Variants in TASP1 observed in about 807,000 individuals in gnomAD.
TASP1 encodes taspase 1, also known as threonine aspartase 1.
TASP1 carries 16 observed loss-of-function variants against 56.6 expected under a neutral mutation model. The ratio of observed to expected loss-of-function variants is 0.28; its 90% CI spans 0.19 to 0.43. TASP1 has a LOEUF of 0.43. Ranked by LOEUF, TASP1 falls within the 20% of genes least tolerant of loss-of-function variation. TASP1 has a pLI of 1.00. For missense variants in TASP1, 393 were observed against 511.6 expected (o/e 0.77, Z 2.24); for synonymous variants, 179 against 184.2 (o/e 0.97, Z 0.23).
chr20:13,228,129 T>C, the TASP1 span, among the ~76,000 whole-genome samples: 27 of 151,912 alleles, frequency 1.8e-4, no homozygotes, highest in East Asian at 5.1e-3. Flanking sequence ...CCCACCACCA[T>C]GCCCGGCTAA....
chr20:13,565,055 G>A (rs2046476977), intron 7 of TASP1, among the ~76,000 whole-genome samples: 1 of 147,544 alleles, frequency 6.8e-6, no homozygotes, highest in South Asian at 2.2e-4. Context: ...CCATTACACA[G>A]AAAAATGCAA....
At chr20:13,289,961 C>T in the TASP1 span, among the ~76,000 whole-genome samples, 1 of 152,158 alleles carries the variant, frequency 6.6e-6, no homozygotes, top group East Asian at 1.9e-4. Context: ...CTCAGTTCTC[C>T]AACCAGAGAC....
At chr20:13,245,543 T>C in the TASP1 span, among the ~76,000 whole-genome samples, 1 of 152,152 alleles carries the variant, frequency 6.6e-6, no homozygotes, top group Non-Finnish European at 1.5e-5. Flanking sequence ...ATGGGGTCAT[T>C]GAGGGCCATT....
chr20:13,354,805 A>AG, the TASP1 span, among the ~76,000 whole-genome samples: 1 of 152,078 alleles, frequency 6.6e-6, no homozygotes, highest in Non-Finnish European at 1.5e-5. Context: ...AGGTCTTTAG[A>AG]GAAAAAAAAA....
the TASP1 span, among the ~76,000 whole-genome samples, chr20:13,360,643 A>C: frequency 1.8e-4 from 27 of 152,266 alleles, no homozygotes; most frequent in Admixed American, 1.4e-3. Flanking sequence ...TCAAAATCAC[A>C]AACTGTGCTC....
In TASP1 at chr20:13,581,102, A is replaced by G. The variant is rs145185757; in HGVS notation, c.404-121T>C. ...TATATCTTGGAAATTCTTTTTCGAT[A>G]TATCAAATAATACTAATGAAAACCC... On this transcript the variant is annotated intron_variant, in intron 5 of 13. Coordinates refer to ENST00000337743, the MANE Select transcript of TASP1 (RefSeq NM_017714.3). 28 of 783,628 alleles carry G rather than the reference A, an allele frequency of 3.6e-5. No homozygotes were observed. The East Asian group carries it at 7.3e-4, about 20-fold the overall frequency. The allele number at this position is 783,628 out of a possible 1,614,324, so 48.5% of individuals were successfully genotyped here. A position where few individuals can be genotyped will look rare whatever the true frequency, so the allele number is the denominator to read the frequency against.
At chr20:13,372,229 G>C in the TASP1 span, among the ~76,000 whole-genome samples, 1 of 152,138 alleles carries the variant, frequency 6.6e-6, no homozygotes, top group Non-Finnish European at 1.5e-5. Context: ...AAAGCAGATT[G>C]CCCTATTCTG....
the TASP1 span, among the ~76,000 whole-genome samples, chr20:13,257,461 G>T: frequency 6.6e-6 from 1 of 152,168 alleles, no homozygotes; most frequent in Admixed American, 6.5e-5. Flanking sequence ...AGGTTGCAGG[G>T]CCTGGTTCTC....
chr20:13,185,372 T>A, the TASP1 span, among the ~76,000 whole-genome samples: 1 of 152,082 alleles, frequency 6.6e-6, no homozygotes, highest in African/African-American at 2.4e-5. Flanking sequence ...TGAAATGTTC[T>A]TAGGTTCCGC....
downstream of TASP1, among the ~76,000 whole-genome samples, chr20:13,388,985 T>C (rs1173173372): frequency 1.3e-5 from 2 of 152,148 alleles, no homozygotes; most frequent in African/African-American, 2.4e-5. Context: ...TTCCTCCCCC[T>C]GAGCAAGTCT....
At chr20:13,525,271 G>A (rs933114281) in intron 10 of TASP1, among the ~76,000 whole-genome samples, 1 of 152,116 alleles carries the variant, frequency 6.6e-6, no homozygotes, top group East Asian at 1.9e-4. Flanking sequence ...TATTATTCTG[G>A]TTTTACAAAT....
At chr20:13,557,024 G>T (rs374932980) in intron 8 of TASP1, among the ~76,000 whole-genome samples, 29 of 152,144 alleles carry the variant, frequency 1.9e-4, no homozygotes, top group Middle Eastern at 6.8e-3. Context: ...TTACTACCCA[G>T]TTCAGTCCCA....
At chr20:13,297,950 A>T in the TASP1 span, among the ~76,000 whole-genome samples, 1 of 152,162 alleles carries the variant, frequency 6.6e-6, no homozygotes, top group Admixed American at 6.5e-5. Context: ...GTGAATTTGC[A>T]GACAGCGATG....
At chr20:13,278,350 G>A in the TASP1 span, among the ~76,000 whole-genome samples, 1 of 152,188 alleles carries the variant, frequency 6.6e-6, no homozygotes, top group Non-Finnish European at 1.5e-5. Flanking sequence ...GGAGTGTGAA[G>A]GCTAGGATGA....
the TASP1 span, among the ~76,000 whole-genome samples, chr20:13,109,264 T>C: frequency 6.6e-6 from 1 of 152,222 alleles, no homozygotes; most frequent in Non-Finnish European, 1.5e-5. Context: ...TCCTCCCTTG[T>C]TCTACATCAC....
chr20:13,615,834 C>T (rs2048505489), intron 4 of TASP1, among the ~76,000 whole-genome samples: 1 of 151,972 alleles, frequency 6.6e-6, no homozygotes, highest in Non-Finnish European at 1.5e-5. Context: ...ACTTAAGTTT[C>T]TTCCTCATTC....
the TASP1 span, among the ~76,000 whole-genome samples, chr20:13,174,429 G>A: frequency 1.3e-5 from 2 of 152,164 alleles, no homozygotes; most frequent in Non-Finnish European, 2.9e-5. Flanking sequence ...AGGGTGTGGT[G>A]GCGCATGCCT....
chr20:13,280,376 C>G, the TASP1 span, among the ~76,000 whole-genome samples: 5 of 137,734 alleles, frequency 3.6e-5, no homozygotes, highest in Non-Finnish European at 6.1e-5. Context: ...GTGTGTGTCT[C>G]AGGTCTTCAA....
chr20:13,259,736 C>T, the TASP1 span, among the ~76,000 whole-genome samples: 2 of 152,154 alleles, frequency 1.3e-5, no homozygotes, highest in Non-Finnish European at 2.9e-5. Context: ...TATAAGTTAA[C>T]ATGTAACTTT....
Sources: gnomAD v4.1 joint callset for allele counts (sites outside exome capture counted in the v4.1 genomes callset) on GRCh38, gnomAD v4.1.1 for gene constraint, MANE v1.5 for transcripts, NCBI Gene and HGNC (gene_info 2026-07-23, HGNC 2026-07-21) for gene names.